Variants in EML4 observed in about 807,000 individuals in gnomAD.
EML4 encodes the protein EMAP like 4.
A neutral mutation model predicts 129.0 loss-of-function variants in EML4; 72 were observed. The observed-to-expected ratio is 0.56, with a 90% CI of 0.46 to 0.68. The LOEUF is 0.68. Ranked by LOEUF, EML4 falls within the 30% of genes least tolerant of loss-of-function variation. EML4 has a pLI of 0.00. For missense variants in EML4, 1,363 were observed against 1,190.6 expected (o/e 1.14, Z -2.13); for synonymous variants, 532 against 405.0 (o/e 1.31, Z -3.77).
chr2:42,238,561 T>C (rs1314752790), intron 1 of EML4, among the ~76,000 whole-genome samples: 1 of 152,190 alleles, frequency 6.6e-6, no homozygotes, highest in Non-Finnish European at 1.5e-5. Context: ...TGGGCAATAT[T>C]GTGAGACCCA....
chr2:42,290,407 G>A (rs1558579663), intron 11 of EML4, among the ~76,000 whole-genome samples: 1 of 151,588 alleles, frequency 6.6e-6, no homozygotes, highest in African/African-American at 2.4e-5. Flanking sequence ...GACCTCTCAT[G>A]AAAAAAAATA....
At chr2:42,305,303 G>T (rs1558595799) in intron 17 of EML4, among the ~76,000 whole-genome samples, 1 of 152,176 alleles carries the variant, frequency 6.6e-6, no homozygotes. Context: ...ACCATGTGAG[G>T]ATAGGGAAAA....
chr2:42,173,247 A>C (rs775743300), intron 1 of EML4, among the ~76,000 whole-genome samples: 2 of 152,204 alleles, frequency 1.3e-5, no homozygotes, highest in Admixed American at 6.5e-5. Flanking sequence ...TTCACATATT[A>C]ATCTAAAGCA....
chr2:42,304,731 G>A (rs12464702), intron 17 of EML4, among the ~76,000 whole-genome samples, 180 bp downstream of exon 17: 3 of 152,158 alleles, frequency 2.0e-5, no homozygotes, highest in South Asian at 4.1e-4. Context: ...TGCCTTTTGC[G>A]ACATGCTACA....
chr2:42,223,259 T>C (rs946778789), intron 1 of EML4, among the ~76,000 whole-genome samples: 1 of 152,172 alleles, frequency 6.6e-6, no homozygotes, highest in Non-Finnish European at 1.5e-5. Flanking sequence ...TTCATTTTTG[T>C]AGTGATTACG....
chr2:42,327,950 G>T (rs1490718611), intron 21 of EML4, among the ~76,000 whole-genome samples: 1 of 152,128 alleles, frequency 6.6e-6, no homozygotes, highest in Non-Finnish European at 1.5e-5. Flanking sequence ...ATAGGTGGTT[G>T]TTCTAAACAC....
intron 1 of EML4, among the ~76,000 whole-genome samples, chr2:42,210,763 C>CT (rs746075199): frequency 3.9e-5 from 6 of 152,068 alleles, no homozygotes; most frequent in Non-Finnish European, 5.9e-5. Context: ...AGGTTGGCTC[C>CT]TATGTTCCTT....
rs771477138 is a variant in EML4, at chr2:42,301,407, G to A, written c.1641+15G>A. Reference sequence around the variant, plus strand: ...GAGAAATAGAGGTAAGGATGGAAACGGAATATAAAAATATTAAATACTCTA... The same window carrying A: ...GAGAAATAGAGGTAAGGATGGAAACAGAATATAAAAATATTAAATACTCTA... On this transcript the variant is annotated intron_variant, in intron 14 of 22. Coordinates refer to ENST00000318522, the MANE Select transcript of EML4 (RefSeq NM_019063.5). 29 of 1,588,824 alleles carry A rather than the reference G, an allele frequency of 1.8e-5. No individual in the cohort carries two copies. The highest frequency in any genetic ancestry group is 3.6e-5 in the Admixed American group (2 of 55,472).
At chr2:42,253,996 A>C (rs1245389518) in intron 2 of EML4, among the ~76,000 whole-genome samples, 2 of 152,242 alleles carry the variant, frequency 1.3e-5, no homozygotes, top group African/African-American at 4.8e-5. Context: ...ATAAGAGAAA[A>C]TATTTGCCAG....
At chr2:42,326,299 A>G in intron 21 of EML4, 47 bp downstream of exon 21, 1 of 1,289,818 alleles carries the variant, frequency 7.8e-7, no homozygotes, top group Non-Finnish European at 1.1e-6. Flanking sequence ...TGGGTTTTTT[A>G]TATATAATAT....
At chr2:42,175,865 C>G (rs1670572258) in intron 1 of EML4, among the ~76,000 whole-genome samples, 2 of 152,124 alleles carry the variant, frequency 1.3e-5, no homozygotes, top group Admixed American at 1.3e-4. Context: ...TATCTTTAGC[C>G]CATTTGTATG....
intron 1 of EML4, among the ~76,000 whole-genome samples, chr2:42,177,629 G>A (rs1429428501): frequency 1.3e-5 from 2 of 152,040 alleles, no homozygotes; most frequent in Non-Finnish European, 1.5e-5. Flanking sequence ...TCTCAAACAA[G>A]CAAACAGACA....
At chr2:42,208,517 C>A (rs1362089298) in intron 1 of EML4, among the ~76,000 whole-genome samples, 2 of 151,344 alleles carry the variant, frequency 1.3e-5, no homozygotes, top group East Asian at 3.9e-4. Context: ...TGATTGCAAC[C>A]TCCGCCCTCT....
intron 17 of EML4, among the ~76,000 whole-genome samples, chr2:42,309,638 G>C (rs533646856): frequency 2.6e-5 from 4 of 152,146 alleles, no homozygotes; most frequent in African/African-American, 9.6e-5. Context: ...GCATTTCTCT[G>C]ATGGCTAATG....
intron 1 of EML4, among the ~76,000 whole-genome samples, chr2:42,198,297 G>C (rs1672014583): frequency 1.3e-5 from 2 of 152,210 alleles, no homozygotes; most frequent in South Asian, 2.1e-4. Context: ...GATCAGATGT[G>C]AGAGAGAATG....
chr2:42,264,659 C>A (rs1035476538), intron 5 of EML4, 47 bp from the exon 6 acceptor site: 1 of 1,051,380 alleles, frequency 9.5e-7, no homozygotes, highest in Non-Finnish European at 1.4e-6. Flanking sequence ...TAATGGTTAG[C>A]CATATAAACT....
rs1390880024 is a variant in EML4, at chr2:42,331,420, T to C, written c.*1213T>C. On this transcript the variant is annotated 3_prime_UTR_variant, in exon 23 of 23. Transcript: ENST00000318522. ...GCATTGGAAAGGTATTTTTTTTAAG[T>C]TCTGTTGGCTAGCTATGGTTTTCAG... 2 of 224,012 alleles carry C rather than the reference T, an allele frequency of 8.9e-6. No individual in the cohort carries two copies. The highest frequency in any genetic ancestry group is 1.8e-5 in the Non-Finnish European group (2 of 112,102). The allele number at this position is 224,012 out of a possible 1,614,324, so 13.9% of individuals were successfully genotyped here. A position where few individuals can be genotyped will look rare whatever the true frequency, so the allele number is the denominator to read the frequency against.
intron 19 of EML4, among the ~76,000 whole-genome samples, chr2:42,321,340 G>A (rs568904417): frequency 2.0e-5 from 3 of 152,100 alleles, no homozygotes; most frequent in South Asian, 2.1e-4. Context: ...CCAAGATGGC[G>A]CCACTGCACT....
chr2:42,221,908 A>G lies in EML4; in HGVS notation c.26-23597A>G, dbSNP rs141050185. 2.1e-3 allele frequency among the ~76,000 whole-genome samples: 313 copies of G among 151,978 alleles called. 3 individuals are homozygous for G. The highest frequency in any genetic ancestry group is 7.1e-3 in the African/African-American group (293 of 41,482). ...CATGAGCCACCACTCCAAGCCTAAT[A>G]AATTTTTTGTAGAGACAGTGTTTCA... On this transcript the variant is annotated intron_variant, in intron 1 of 22. Transcript: ENST00000318522.
Sources: allele counts gnomAD v4.1 joint callset (sites outside exome capture counted in the v4.1 genomes callset), GRCh38; gene constraint gnomAD v4.1.1; transcripts MANE v1.5; gene names NCBI Gene and HGNC (gene_info 2026-07-23, HGNC 2026-07-21).